Variants in GRM8 observed in about 807,000 individuals in gnomAD.
The protein encoded by GRM8 is glutamate metabotropic receptor 8.
In GRM8, 47 loss-of-function variants were observed where a neutral mutation model predicts 87.2. The observed-to-expected ratio is 0.54, with a 90% CI of 0.43 to 0.69. The LOEUF (loss-of-function observed/expected upper bound fraction) is 0.69. Ranked by LOEUF, GRM8 falls within the 30% of genes least tolerant of loss-of-function variation. GRM8 has a pLI of 0.00. For missense variants in GRM8, 1,019 were observed against 1,139.2 expected, an observed-to-expected ratio of 0.89 and a Z score of 1.52; for synonymous variants, 396 against 404.5, an observed-to-expected ratio of 0.98 and a Z score of 0.25.
chr7:126,904,266 G>A (rs1457735318), intron 4 of GRM8, 140 bp from the exon 5 acceptor site: 13 of 724,512 alleles, frequency 1.8e-5, no homozygotes, highest in Non-Finnish European at 2.3e-5. Flanking sequence ...CTAACTGCCC[G>A]AGTCTTATCA....
chr7:126,494,988 A>G (rs1808524488), intron 9 of GRM8, among the ~76,000 whole-genome samples: 1 of 152,056 alleles, frequency 6.6e-6, no homozygotes, highest in Non-Finnish European at 1.5e-5. Context: ...ACTTTATAAT[A>G]CCAAAAACAT....
rs67131936 is a variant in GRM8, at chr7:126,788,409, C to CAA, written c.1157-18346_1157-18345dup. ...TGGGTATCAGAGCAAGACTCCATCTCAAAAAAAAAAAAAACCCTTTCAGAT... is the reference window on the plus strand; with the variant it reads ...TGGGTATCAGAGCAAGACTCCATCTCAAAAAAAAAAAAAAAACCCTTTCAGAT... On this transcript the variant is annotated intron_variant, in intron 6 of 10. Transcript: ENST00000339582. Among the ~76,000 whole-genome samples, 9 of 10,798 alleles carry CAA rather than the reference C, an allele frequency of 8.3e-4. 1 individual carries two copies. The highest frequency in any genetic ancestry group is 2.9e-3 in the Admixed American group (2 of 690). The allele number at this position is 10,798 out of a possible 152,430, so 7.1% of individuals were successfully genotyped here.
At chr7:127,174,159 G>A (rs935981526) in intron 2 of GRM8, among the ~76,000 whole-genome samples, 2 of 152,032 alleles carry the variant, frequency 1.3e-5, no homozygotes, top group Non-Finnish European at 2.9e-5. Context: ...GTTCTCAAAC[G>A]TACACAAGAT....
intron 2 of GRM8, among the ~76,000 whole-genome samples, chr7:127,162,689 T>C (rs1793191540): frequency 6.6e-6 from 1 of 152,200 alleles, no homozygotes; most frequent in Non-Finnish European, 1.5e-5. Flanking sequence ...TGCCTTTTAC[T>C]GGAGGCTTGT....
rs536285093 is a variant in GRM8, at chr7:126,500,888, T to C, written c.2430+32064A>G. 5.9e-5 allele frequency among the ~76,000 whole-genome samples: 9 copies of C among 152,146 alleles called. No individual in the cohort carries two copies. In the South Asian group the frequency reaches 1.9e-3, roughly 32 times the overall value. On this transcript the variant is annotated intron_variant, in intron 9 of 10. Coordinates refer to ENST00000339582, the MANE Select transcript of GRM8 (RefSeq NM_000845.3). ...TTAACATAGTATGAATGTTTGCTTATTTTGTAGACCATTAAGCTATTTGCT... is the reference window on the plus strand; with the variant it reads ...TTAACATAGTATGAATGTTTGCTTACTTTGTAGACCATTAAGCTATTTGCT...
intron 7 of GRM8, among the ~76,000 whole-genome samples, chr7:126,729,427 A>T (rs531065025): frequency 6.6e-6 from 1 of 152,236 alleles, no homozygotes. Flanking sequence ...TGGGTGGAAA[A>T]ATTAAGGCCA....
At chr7:127,058,248 A>ACAC in intron 3 of GRM8, 1 of 432,708 alleles carries the variant, frequency 2.3e-6, no homozygotes, top group Non-Finnish European at 4.6e-6. Context: ...GAGAGCTTTA[A>ACAC]AGTTTCTCTT....
intron 9 of GRM8, among the ~76,000 whole-genome samples, chr7:126,470,476 T>A (rs1371515710): frequency 6.6e-6 from 1 of 151,786 alleles, no homozygotes; most frequent in Admixed American, 6.6e-5. Flanking sequence ...TTACTGAGAA[T>A]GATGATTTCC....
intron 9 of GRM8, among the ~76,000 whole-genome samples, chr7:126,497,896 G>A (rs1314302669): frequency 6.6e-6 from 1 of 151,994 alleles, no homozygotes; most frequent in African/African-American, 2.4e-5. Flanking sequence ...TTTGTCAGTA[G>A]AGTGTAGGTG....
At chr7:127,041,328 C>T (rs1156578130) in intron 3 of GRM8, among the ~76,000 whole-genome samples, 7 of 152,160 alleles carry the variant, frequency 4.6e-5, no homozygotes, top group African/African-American at 1.7e-4. Flanking sequence ...TGCAGGGTAA[C>T]GTTTAGGCAG....
chr7:127,077,374 C>T (rs1822392627), intron 3 of GRM8, among the ~76,000 whole-genome samples: 4 of 152,178 alleles, frequency 2.6e-5, no homozygotes. Context: ...TCCCCTAAAC[C>T]TTAATTTGTT....
At chr7:126,639,223 A>G (rs954006967) in intron 7 of GRM8, among the ~76,000 whole-genome samples, 1 of 152,110 alleles carries the variant, frequency 6.6e-6, no homozygotes, top group East Asian at 1.9e-4. Context: ...TCTTTAGGGC[A>G]TCTATTTTAT....
chr7:127,067,050 A>C (rs1293155936), intron 3 of GRM8, among the ~76,000 whole-genome samples: 1 of 152,210 alleles, frequency 6.6e-6, no homozygotes, highest in Non-Finnish European at 1.5e-5. Flanking sequence ...CTCTTGTACC[A>C]GTATTCACTC....
At chr7:127,186,855 A>C (rs1794765466) in intron 2 of GRM8, among the ~76,000 whole-genome samples, 1 of 152,142 alleles carries the variant, frequency 6.6e-6, no homozygotes, top group African/African-American at 2.4e-5. Flanking sequence ...TGCCCTTTAC[A>C]CATAGCACAT....
At chr7:126,573,931 T>C (rs548517916) in intron 8 of GRM8, among the ~76,000 whole-genome samples, 132 of 152,222 alleles carry the variant, frequency 8.7e-4, no homozygotes, top group Middle Eastern at 6.8e-3. Context: ...AATAACCTAA[T>C]AGATGAAGAA....
In GRM8 at chr7:127,158,238, G is replaced by T. The variant is rs577019811; in HGVS notation, c.511-51526C>A. ...GAGTACACCATTGAGACCAGGTCAGGCATAAAAGCCTGTCAGCCTAGAGAG... is the reference window on the plus strand; with the variant it reads ...GAGTACACCATTGAGACCAGGTCAGTCATAAAAGCCTGTCAGCCTAGAGAG... On this transcript the variant is annotated intron_variant, in intron 2 of 10. Coordinates refer to ENST00000339582, the MANE Select transcript of GRM8 (RefSeq NM_000845.3). Among the ~76,000 whole-genome samples the T allele has an allele frequency of 5.8e-4, 89 of 152,210 alleles. 1 individual carries two copies. In the South Asian group the frequency reaches 0.012, roughly 20 times the overall value.
At chr7:127,182,632 G>GT (rs1794514154) in intron 2 of GRM8, among the ~76,000 whole-genome samples, 1 of 141,720 alleles carries the variant, frequency 7.1e-6, no homozygotes, top group Non-Finnish European at 1.5e-5. Flanking sequence ...AAGAAAGTGT[G>GT]GTGTGTGTGT....
rs1584603776 is a variant in GRM8, at chr7:126,439,229, T to C, written c.2678-61A>G. On this transcript the variant is annotated intron_variant, in intron 10 of 10. Coordinates refer to ENST00000339582, the MANE Select transcript of GRM8 (RefSeq NM_000845.3). Reference sequence around the variant, plus strand: ...ATAATAATACATCCTTTTGTTAATATGATTTTAAAATTCAAGTCCTGTAAT... The same window carrying C: ...ATAATAATACATCCTTTTGTTAATACGATTTTAAAATTCAAGTCCTGTAAT... 5 of 956,310 alleles carry C rather than the reference T, an allele frequency of 5.2e-6. No homozygotes were observed. In the East Asian group the frequency reaches 9.7e-5, roughly 18 times the overall value. 59.2% of individuals were successfully genotyped at this position (956,310 alleles called of 1,614,324 possible). A position where few individuals can be genotyped will look rare whatever the true frequency, so the allele number is the denominator to read the frequency against.
chr7:126,790,554 G>A (rs1821170794), intron 6 of GRM8, among the ~76,000 whole-genome samples: 1 of 152,100 alleles, frequency 6.6e-6, no homozygotes, highest in African/African-American at 2.4e-5. Flanking sequence ...CACTGCATTA[G>A]CCATTGTATT....
Sources: gnomAD v4.1 joint callset for allele counts (sites outside exome capture counted in the v4.1 genomes callset) on GRCh38, gnomAD v4.1.1 for gene constraint, MANE v1.5 for transcripts, NCBI Gene and HGNC (gene_info 2026-07-23, HGNC 2026-07-21) for gene names.